The following RYR3 variants were observed in gnomAD, a reference collection of about 807,000 sequenced individuals.
RYR3 encodes the protein ryanodine receptor 3.
RYR3 carries 207 observed loss-of-function variants against 584.3 expected under a neutral mutation model. That is an observed-to-expected ratio of 0.35 (90% CI 0.32 to 0.40). RYR3 has a LOEUF of 0.40. Ranked by LOEUF, RYR3 falls within the 10% of genes least tolerant of loss-of-function variation. The pLI is 1.00. For missense variants in RYR3, 5,616 were observed against 6,089.2 expected (o/e 0.92, Z 2.59); for synonymous variants, 2,416 against 2,248.5 (o/e 1.07, Z -2.11).
chr15:33,627,573 C>T (rs34638660), intron 20 of RYR3, among the ~76,000 whole-genome samples: 23,385 of 152,122 alleles, frequency 0.15, 2,036 homozygotes, highest in African/African-American at 0.21. Context: ...AACTGTGAAA[C>T]AGTGTGGTCT....
intron 1 of RYR3, among the ~76,000 whole-genome samples, chr15:33,340,976 C>T (rs927394508): frequency 5.9e-5 from 9 of 152,142 alleles, no homozygotes; most frequent in Non-Finnish European, 1.0e-4. Context: ...TCACCTGTAC[C>T]TGTAGGGCTT....
intron 42 of RYR3, among the ~76,000 whole-genome samples, chr15:33,701,945 G>A (rs1346037591): frequency 2.0e-5 from 3 of 152,172 alleles, no homozygotes; most frequent in East Asian, 1.9e-4. Flanking sequence ...TGCAGCAGAA[G>A]CAGTGAGGAA....
intron 34 of RYR3, among the ~76,000 whole-genome samples, chr15:33,661,901 A>G (rs1009049430): frequency 6.6e-5 from 10 of 152,180 alleles, no homozygotes; most frequent in African/African-American, 2.4e-4. Flanking sequence ...TTTTTTCCTA[A>G]TAATGAAGAC....
chr15:33,596,497 G>C (rs114681123), intron 16 of RYR3, among the ~76,000 whole-genome samples: 46 of 132,096 alleles, frequency 3.5e-4, no homozygotes, highest in East Asian at 6.1e-4. Context: ...TCTTTTTTTG[G>C]GGGGGGGGGA....
chr15:33,825,779 C>G (rs1369368565), intron 82 of RYR3, 103 bp downstream of exon 82: 11 of 706,174 alleles, frequency 1.6e-5, no homozygotes, highest in Non-Finnish European at 2.2e-5. Context: ...GTTGCTCAGG[C>G]TGGACTGCAG....
chr15:33,697,831 A>T, intron 39 of RYR3, 51 bp from the exon 40 acceptor site: 1 of 1,142,446 alleles, frequency 8.8e-7, no homozygotes, highest in Non-Finnish European at 1.3e-6. Flanking sequence ...CTGAATTTTC[A>T]TAGCATATAA....
intron 8 of RYR3, among the ~76,000 whole-genome samples, chr15:33,545,151 T>C (rs1399839044): frequency 1.3e-5 from 2 of 152,158 alleles, no homozygotes; most frequent in Non-Finnish European, 2.9e-5. Flanking sequence ...CTGTTCTACT[T>C]TTAAGGATGG....
Position 33,843,404 on chromosome 15 carries a change from C to T in RYR3, c.13210-84C>T. The T allele has an allele frequency of 3.3e-6, 3 of 907,752 alleles. No individual in the cohort carries two copies. In the South Asian group the frequency reaches 4.3e-5, roughly 13 times the overall value. The allele number at this position is 907,752 out of a possible 1,614,324, so 56.2% of individuals were successfully genotyped here. The stretch of plus-strand genomic sequence containing the variant: ...GGACGAGTCAAGTGTGAACTTCTAA[C>T]CAGAACTGACCTTCTGTGTGAAAGT... On this transcript the variant is annotated intron_variant, in intron 91 of 103. Coordinates refer to ENST00000634891, the MANE Select transcript of RYR3 (RefSeq NM_001036.6).
At chr15:33,375,364 C>G (rs1251068942) in intron 1 of RYR3, among the ~76,000 whole-genome samples, 1 of 152,168 alleles carries the variant, frequency 6.6e-6, no homozygotes, top group African/African-American at 2.4e-5. Context: ...GGCAAAATAG[C>G]GAGCCTAGTC....
At chr15:33,611,386 C>A (rs1291620389) in intron 18 of RYR3, among the ~76,000 whole-genome samples, 2 of 151,866 alleles carry the variant, frequency 1.3e-5, no homozygotes, top group South Asian at 4.2e-4. Flanking sequence ...GAAACCCCAT[C>A]TCTACTAAAA....
In RYR3 at chr15:33,857,932, GCGGGGC is replaced by G. The variant is rs769330693; in HGVS notation, c.14142+20_14142+25del. The G allele has an allele frequency of 7.2e-7, 1 of 1,379,706 alleles. No homozygotes were observed. Among genetic ancestry groups the G allele is most frequent in the Non-Finnish European group, 9.6e-7 (1 of 1,037,530 alleles). The allele number at this position is 1,379,706 out of a possible 1,614,324, so 85.5% of individuals were successfully genotyped here. A position where few individuals can be genotyped will look rare whatever the true frequency, so the allele number is the denominator to read the frequency against. On this transcript the variant is annotated intron_variant, in intron 99 of 103. Coordinates refer to ENST00000634891, the MANE Select transcript of RYR3 (RefSeq NM_001036.6). ...TGATGACGGTGAGAGCCCACCCACT[GCGGGGC>G]CAGCCCACCCACTGCGGGGCCACCC... is the stretch of plus-strand genomic sequence containing the variant.
chr15:33,446,434 A>G (rs1178056054), intron 1 of RYR3, among the ~76,000 whole-genome samples: 1 of 152,176 alleles, frequency 6.6e-6, no homozygotes. Flanking sequence ...ACAGAAATCT[A>G]TTTTCCCACA....
In RYR3 at chr15:33,663,636, A is replaced by G. The variant is rs745569369; in HGVS notation, c.5518A>G (p.Asn1840Asp). 4.3e-6 allele frequency: 7 copies of G among 1,613,322 alleles called. No individual in the cohort carries two copies. In the Admixed American group the frequency reaches 1.2e-4, roughly 27 times the overall value. ...GDIYVSKLQA[N>D]QKFRYNELMQ... Reference sequence around the variant, plus strand: ...CATTTATGTCTCCAAGCTGCAGGCAAATCAGAAGTTCCGCTACAATGAGCT... The same window carrying G: ...CATTTATGTCTCCAAGCTGCAGGCAGATCAGAAGTTCCGCTACAATGAGCT... The change falls in exon 36 of 104, where the codon AAT (asparagine) becomes GAT (aspartate). Residue 1840 changes from asparagine (N) to aspartate (D), a missense_variant. By Grantham distance (23) the Asn-to-Asp change is conservative. Around this residue, in one of 9 missense-constraint regions of RYR3, gnomAD observed 1,280 missense variants for 1,426.2 expected, o/e 0.90. Transcript: ENST00000634891.
chr15:33,395,418 G>T (rs7350804), intron 1 of RYR3, among the ~76,000 whole-genome samples: 33,289 of 152,186 alleles, frequency 0.22, 4,626 homozygotes, highest in Non-Finnish European at 0.3. Context: ...AACCACTTAG[G>T]GGTCTTTTAT....
chr15:33,359,524 C>G (rs1216673870), intron 1 of RYR3, among the ~76,000 whole-genome samples: 1 of 152,232 alleles, frequency 6.6e-6, no homozygotes, highest in Non-Finnish European at 1.5e-5. Flanking sequence ...CTCACATCCT[C>G]TCTCAGCCTT....
chr15:33,690,339 G>C (rs1234212783), intron 38 of RYR3, among the ~76,000 whole-genome samples: 2 of 152,234 alleles, frequency 1.3e-5, no homozygotes, highest in Non-Finnish European at 2.9e-5. Flanking sequence ...CTTCAGGCTA[G>C]CAGGTTGCCC....
At position 33,651,573 on chromosome 15, in the gene RYR3, G is replaced by A. The variant is rs542186009; in HGVS notation, c.4143-1145G>A. On this transcript the variant is annotated intron_variant, in intron 31 of 103. Transcript: ENST00000634891. Reference sequence around the variant, plus strand: ...TCGGAGAATCCTAATTGAACCTTTGGTTTTTCAAATGAGAACATCATCCTG... The same window carrying A: ...TCGGAGAATCCTAATTGAACCTTTGATTTTTCAAATGAGAACATCATCCTG... Among the ~76,000 whole-genome samples, 8 of 152,296 alleles carry A rather than the reference G, an allele frequency of 5.3e-5. No homozygotes were observed. The South Asian group carries it at 1.5e-3, about 28-fold the overall frequency.
At chr15:33,531,235 A>T (rs1423950152) in intron 4 of RYR3, among the ~76,000 whole-genome samples, 1 of 152,178 alleles carries the variant, frequency 6.6e-6, no homozygotes, top group East Asian at 1.9e-4. Context: ...GGCTATTACT[A>T]ATCAGGGATC....
At chr15:33,694,141 A>G (rs187810148) in intron 38 of RYR3, among the ~76,000 whole-genome samples, 9 of 149,744 alleles carry the variant, frequency 6.0e-5, no homozygotes, top group Non-Finnish European at 7.5e-5. Context: ...GCCAGGCACT[A>G]TCATCCTAAT....
Sources: gnomAD v4.1 joint callset for allele counts (sites outside exome capture counted in the v4.1 genomes callset) on GRCh38, gnomAD v4.1.1 for gene constraint, gnomAD v4.1.1 regional missense constraint, MANE v1.5 for transcripts, NCBI Gene and HGNC (gene_info 2026-07-23, HGNC 2026-07-21) for gene names.